Variants in IGSF9 observed in about 807,000 individuals in gnomAD.
The protein encoded by IGSF9 is immunoglobulin superfamily member 9.
Under a neutral mutation model 121.7 loss-of-function variants are expected in IGSF9, and 87 were observed. That is an observed-to-expected ratio of 0.71 (90% CI 0.60 to 0.85). IGSF9 has a LOEUF of 0.85. Among genes scored for constraint, IGSF9 ranks in the 40% least tolerant of loss-of-function variants. The pLI is 0.00. For synonymous variants in IGSF9, 640 were observed against 648.4 expected, an observed-to-expected ratio of 0.99 and a Z score of 0.20; for missense variants, 1,462 against 1,565.3, an observed-to-expected ratio of 0.93 and a Z score of 1.11.
chr1:159,938,791 G>T (rs1468730400), intron 3 of IGSF9, among the ~76,000 whole-genome samples: 2 of 152,158 alleles, frequency 1.3e-5, no homozygotes, highest in Non-Finnish European at 2.9e-5. Flanking sequence ...ATTGGGGTGG[G>T]GTGGAGGAGA....
At position 159,931,592 on chromosome 1, in the gene IGSF9, C is replaced by T; in HGVS notation, c.1374G>A (p.Gly458=). 1 of 1,613,550 alleles carries T rather than the reference C, an allele frequency of 6.2e-7. No homozygotes were observed. The highest frequency in any genetic ancestry group is 8.5e-7 in the Non-Finnish European group (1 of 1,179,820). The change falls in exon 12 of 21, where the codon GGG becomes GGA. Residue 458 remains glycine, a synonymous_variant. Transcript: ENST00000368094. This position sits in a 1 kb window ranked among gnomAD's most constrained non-coding sequence, Gnocchi z 4.8. ...PVVSWTKVGR[G]LQGQAQVDSN... is the part of the protein sequence containing the mutation. ...TGTCCACCTGGGCCTGGCCTTGCAG[C>T]CCCCGGCCCACCTACAGAACCACTG...
chr1:159,928,042 G>A lies in IGSF9; in HGVS notation c.3230+116C>T, dbSNP rs546462255. ...CAGCAAAAGCTTCTAAAAGGGACAAGTTTTCCCGTTCCCAGGGTGGGAGTG... is the reference window on the plus strand; with the variant it reads ...CAGCAAAAGCTTCTAAAAGGGACAAATTTTCCCGTTCCCAGGGTGGGAGTG... On this transcript the variant is annotated intron_variant, in intron 19 of 20. Coordinates refer to ENST00000368094, the MANE Select transcript of IGSF9 (RefSeq NM_001135050.2). 1.6e-5 allele frequency: 24 copies of A among 1,490,622 alleles called. No individual in the cohort carries two copies. In the South Asian group the frequency reaches 2.6e-4, roughly 16 times the overall value. 92.3% of individuals were successfully genotyped at this position (1,490,622 alleles called of 1,614,324 possible).
rs776742329 is a variant in IGSF9 at position 159,931,795 on chromosome 1, G to A, written c.1362+17C>T. On this transcript the variant is annotated intron_variant, in intron 11 of 20. Coordinates refer to ENST00000368094, the MANE Select transcript of IGSF9 (RefSeq NM_001135050.2). This position sits in a 1 kb window ranked among gnomAD's most constrained non-coding sequence, Gnocchi z 4.8. ...TAGTGGGCGTGGGTACAGGCAGAGCGGGCTCAGGAGCCTTACCTTGGTCCA... is the reference window on the plus strand; with the variant it reads ...TAGTGGGCGTGGGTACAGGCAGAGCAGGCTCAGGAGCCTTACCTTGGTCCA... The A allele has an allele frequency of 1.8e-5, 28 of 1,521,840 alleles. No individual in the cohort carries two copies. In the East Asian group the frequency reaches 2.7e-4, roughly 15 times the overall value. 94.3% of individuals were successfully genotyped at this position (1,521,840 alleles called of 1,614,324 possible).
In IGSF9 at chr1:159,932,005, G is replaced by A; in HGVS notation, c.1246-77C>T. The A allele has an allele frequency of 1.2e-6, 1 of 852,666 alleles. No individual in the cohort carries two copies. The highest frequency in any genetic ancestry group is 1.9e-6 in the Non-Finnish European group (1 of 533,708). The allele number at this position is 852,666 out of a possible 1,614,324, so 52.8% of individuals were successfully genotyped here. A position where few individuals can be genotyped will look rare whatever the true frequency, so the allele number is the denominator to read the frequency against. On this transcript the variant is annotated intron_variant, in intron 10 of 20. Coordinates refer to ENST00000368094, the MANE Select transcript of IGSF9 (RefSeq NM_001135050.2). This position sits in a 1 kb window ranked among gnomAD's most constrained non-coding sequence, Gnocchi z 4.1. The stretch of plus-strand genomic sequence containing the variant: ...GCTACTCCCTCTCTCTGTGCTCCCT[G>A]TCATGCCATGTCTCACCTCACTCTC...
chr1:159,943,309 C>T, intron 2 of IGSF9, 88 bp downstream of exon 2: 1 of 1,395,558 alleles, frequency 7.2e-7, no homozygotes, highest in Non-Finnish European at 9.6e-7. Context: ...CCCCTGCCCT[C>T]ACATGCTCAA....
In IGSF9 at chr1:159,936,403, C is replaced by T. The variant is rs1197794208; in HGVS notation, c.669G>A (p.Val223=). ...GSATHATQLL[V]LGPPVIVVPP... ...AGCCCTCCCGCCAGAGAGCACCTAG[C>T]ACTAGCAGCTGGGTGGCGTGGGTGG... Residue 223 remains valine (V), a synonymous_variant, in exon 6 of 21, where the codon GTG becomes GTA. Transcript: ENST00000368094. 3.1e-6 allele frequency: 5 copies of T among 1,613,564 alleles called. No individual in the cohort carries two copies. Among genetic ancestry groups the T allele is most frequent in the Non-Finnish European group, 4.2e-6 (5 of 1,179,668 alleles).
chr1:159,927,322 T>C lies in IGSF9; in HGVS notation c.*23A>G, dbSNP rs777609743. 3.7e-6 allele frequency: 6 copies of C among 1,612,646 alleles called. No individual in the cohort carries two copies. The East Asian group carries it at 1.3e-4, about 36-fold the overall frequency. On this transcript the variant is annotated 3_prime_UTR_variant, in exon 21 of 21. Transcript: ENST00000368094. ...CTCCTTTGCAGGTCCATATGCCTTT[T>C]CACAGCCTCACATCAGGGATGTTCA...
intron 3 of IGSF9, among the ~76,000 whole-genome samples, chr1:159,939,557 C>A (rs1651308772): frequency 6.6e-6 from 1 of 152,186 alleles, no homozygotes; most frequent in African/African-American, 2.4e-5. Flanking sequence ...TTTGCAAATG[C>A]AGCTCCAAGT....
chr1:159,942,021 A>C (rs1348638026), intron 3 of IGSF9, among the ~76,000 whole-genome samples: 4 of 152,224 alleles, frequency 2.6e-5, no homozygotes, highest in African/African-American at 7.2e-5. Context: ...TTCAAACTAA[A>C]GAGGGAAAAG....
Position 159,932,611 on chromosome 1 carries a change from G to A in IGSF9, c.1146C>T (p.Ile382=), listed in dbSNP as rs147815157. 2.9e-4 allele frequency: 470 copies of A among 1,613,956 alleles called. No homozygotes were observed. The highest frequency in any genetic ancestry group is 3.6e-4 in the Non-Finnish European group (424 of 1,179,880). ...WSQGTEGSLI[I]ALGNEDALGE... is the part of the protein sequence containing the mutation. ...CCAGGGCATCCTCGTTCCCCAGGGC[G>A]ATGATCAGTGAGCCTTCTGTGCCCT... Residue 382 remains isoleucine, a synonymous_variant, in exon 10 of 21, where the codon ATC becomes ATT. Transcript: ENST00000368094. This position sits in a 1 kb window ranked among gnomAD's most constrained non-coding sequence, Gnocchi z 4.1.
In IGSF9 at chr1:159,932,418, C is replaced by T; in HGVS notation, c.1245+94G>A. 2 of 801,918 alleles carry T rather than the reference C, an allele frequency of 2.5e-6. No individual in the cohort carries two copies. The highest frequency in any genetic ancestry group is 2.0e-6 in the Non-Finnish European group (1 of 502,468). The allele number at this position is 801,918 out of a possible 1,614,324, so 49.7% of individuals were successfully genotyped here. On this transcript the variant is annotated intron_variant, in intron 10 of 20. Transcript: ENST00000368094. The surrounding 1 kb of genome is among the most constrained non-coding windows in gnomAD (Gnocchi z 4.1). ...AACTTGGAAACCCCTCCCCATGTGTCTGCCCCACCCCACCCCCATCAGCCT... is the reference window on the plus strand; with the variant it reads ...AACTTGGAAACCCCTCCCCATGTGTTTGCCCCACCCCACCCCCATCAGCCT...
At position 159,929,940 on chromosome 1, in the gene IGSF9, C is replaced by T. The variant is rs1305423725; in HGVS notation, c.2100G>A (p.Ala700=). 10 of 1,581,480 alleles carry T rather than the reference C, an allele frequency of 6.3e-6. No individual in the cohort carries two copies. The highest frequency in any genetic ancestry group is 4.0e-5 in the African/African-American group (3 of 74,166). The change falls in exon 16 of 21, where the codon GCG becomes GCA. Residue 700 remains alanine (A), a synonymous_variant. Coordinates refer to ENST00000368094, the MANE Select transcript of IGSF9 (RefSeq NM_001135050.2). The part of the protein sequence containing the change: ...VLYEFRLVAF[A]GSFVSDPSNT... Reference sequence around the variant, plus strand: ...TGCTGGGGTCGCTGACGAAGCTGCCCGCGAAGGCCACGAGGCGGAACTCGT... The same window carrying T: ...TGCTGGGGTCGCTGACGAAGCTGCCTGCGAAGGCCACGAGGCGGAACTCGT...
chr1:159,934,613 G>A (rs1376868862), intron 7 of IGSF9, 43 bp from the exon 8 acceptor site: 3 of 1,613,242 alleles, frequency 1.9e-6, no homozygotes, highest in Non-Finnish European at 2.5e-6. Flanking sequence ...GCCTTGCCCA[G>A]CCAAGCGGCT....
intron 6 of IGSF9, 129 bp from the exon 7 acceptor site, chr1:159,934,951 G>GAGT (rs1651135315): frequency 1.4e-5 from 15 of 1,060,486 alleles, no homozygotes; most frequent in Non-Finnish European, 1.9e-5. Flanking sequence ...GGGCTTTGGG[G>GAGT]AGTGGAAGCA....
In IGSF9 at chr1:159,937,791, G is replaced by A. The variant is rs767265700; in HGVS notation, c.295C>T (p.Arg99Trp). The A allele has an allele frequency of 8.1e-6, 13 of 1,613,956 alleles. No individual in the cohort carries two copies. The highest frequency in any genetic ancestry group is 5.0e-5 in the Admixed American group (3 of 60,002). Residue 99 changes from arginine (R) to tryptophan (W), a missense_variant, in exon 4 of 21, where the codon CGG becomes TGG. Arg to Trp is a moderately radical substitution (Grantham distance 101, BLOSUM62 -3). This residue lies in a region of IGSF9 where 558 missense variants were observed against 599.4 expected (regional missense o/e 0.93). Coordinates refer to ENST00000368094, the MANE Select transcript of IGSF9 (RefSeq NM_001135050.2). ...KGASLQIEGL[R>W]VEDQGWYECR... is the part of the protein sequence containing the mutation. ...TCGTACCAGCCCTGGTCTTCCACCC[G>A]GAGACCCTCAATCTGGAGAGAGGCC...
Position 159,930,782 on chromosome 1 carries a change from G to A in IGSF9, c.1723C>T (p.Gln575Ter). 6.2e-7 allele frequency: 1 copy of A among 1,614,082 alleles called. No individual in the cohort carries two copies. The change falls in exon 14 of 21, where the codon CAG becomes TAG. Residue 575 changes from glutamine to a stop codon, truncating the protein, a stop_gained. Coordinates refer to ENST00000368094, the MANE Select transcript of IGSF9 (RefSeq NM_001135050.2). LOFTEE classifies it high-confidence loss of function. ...GAAHLLVPGLQPHTQYQFSVL... is the reference protein window; with the variant it reads ...GAAHLLVPGL ...CTGAACTGGTACTGGGTGTGGGGCT[G>A]CAGCCCTGGCACTAGGAGGTGAGCA...
rs967868518 is a variant in IGSF9, at chr1:159,931,437, C to T, written c.1513+16G>A. The T allele has an allele frequency of 6.2e-7, 1 of 1,609,460 alleles. No homozygotes were observed. The highest frequency in any genetic ancestry group is 1.1e-5 in the South Asian group (1 of 90,992). ...GTAGTTTCTCCCAGCCCCTGGCCCTCTCTCCAGCCACTAACCCAGCACGTA... is the reference window on the plus strand; with the variant it reads ...GTAGTTTCTCCCAGCCCCTGGCCCTTTCTCCAGCCACTAACCCAGCACGTA... On this transcript the variant is annotated intron_variant, in intron 12 of 20. Transcript: ENST00000368094. This position sits in a 1 kb window ranked among gnomAD's most constrained non-coding sequence, Gnocchi z 4.8.
chr1:159,936,156 C>T (rs1651175177), intron 6 of IGSF9, among the ~76,000 whole-genome samples: 1 of 152,294 alleles, frequency 6.6e-6, no homozygotes, highest in South Asian at 2.1e-4. Flanking sequence ...AACACAAGCA[C>T]CCATGTCCTT....
intron 20 of IGSF9, 110 bp downstream of exon 20, chr1:159,927,650 C>A: frequency 6.5e-7 from 1 of 1,542,734 alleles, no homozygotes; most frequent in Non-Finnish European, 8.8e-7. Flanking sequence ...CAGTCTAGAG[C>A]AGAGGAGCCT....
Sources: gnomAD v4.1 joint callset for allele counts (sites outside exome capture counted in the v4.1 genomes callset) on GRCh38, gnomAD v4.1.1 for gene constraint, gnomAD v4.1.1 regional missense constraint, Gnocchi (gnomAD v3.1) non-coding constraint, MANE v1.5 for transcripts, NCBI Gene and HGNC (gene_info 2026-07-23, HGNC 2026-07-21) for gene names.